SUMF1: variants seen among roughly 807,000 people sequenced by gnomAD.
SUMF1 encodes the protein formylglycine-generating enzyme.
A neutral mutation model predicts 47.6 loss-of-function variants in SUMF1; 48 were observed. The observed-to-expected ratio is 1.01, with a 90% CI of 0.80 to 1.28. SUMF1 has a LOEUF of 1.28. SUMF1 is among the 50% of genes most tolerant of loss of function. SUMF1 has a pLI of 0.00. For missense variants in SUMF1, 571 were observed against 485.4 expected, an observed-to-expected ratio of 1.18 and a Z score of -1.66; for synonymous variants, 230 against 192.1, an observed-to-expected ratio of 1.20 and a Z score of -1.63.
intron 8 of SUMF1, among the ~76,000 whole-genome samples, chr3:4,127,496 G>T (rs932885569): frequency 7.2e-5 from 11 of 152,082 alleles, no homozygotes; most frequent in African/African-American, 2.7e-4. Context: ...AATGTGAAAA[G>T]AGAGACTAGC....
At chr3:4,383,853 A>T (rs1246152003) in intron 7 of SUMF1, among the ~76,000 whole-genome samples, 1 of 152,178 alleles carries the variant, frequency 6.6e-6, no homozygotes, top group African/African-American at 2.4e-5. Flanking sequence ...CATCCATGAC[A>T]CTGTAGTGGC....
chr3:4,376,321 A>G lies in SUMF1; in HGVS notation c.1014+9T>C, dbSNP rs2124844869. 6.2e-7 allele frequency: 1 copy of G among 1,614,144 alleles called. No homozygotes were observed. On this transcript the variant is annotated intron_variant, in intron 8 of 8. Transcript: ENST00000272902. Reference sequence around the variant, plus strand: ...AAGAACGGCAAAACAGTTTAGTGACATGACTTACCCTATGGCACATGTAGG... The same window carrying G: ...AAGAACGGCAAAACAGTTTAGTGACGTGACTTACCCTATGGCACATGTAGG...
At chr3:4,035,898 G>T (rs1365797755) in intron 9 of SUMF1, among the ~76,000 whole-genome samples, 1 of 152,082 alleles carries the variant, frequency 6.6e-6, no homozygotes, top group Non-Finnish European at 1.5e-5. Flanking sequence ...AGACACTGCA[G>T]TTTAGGGGGT....
intron 8 of SUMF1, among the ~76,000 whole-genome samples, chr3:4,233,793 T>G (rs1696351575): frequency 6.6e-6 from 1 of 152,030 alleles, no homozygotes; most frequent in African/African-American, 2.4e-5. Context: ...CTAAATAAGC[T>G]TCAGAAAAAA....
At chr3:4,424,392 A>T (rs1422239334) in intron 3 of SUMF1, among the ~76,000 whole-genome samples, 3 of 152,176 alleles carry the variant, frequency 2.0e-5, no homozygotes, top group African/African-American at 4.8e-5. Context: ...CTATATGATG[A>T]TCACCAATCT....
chr3:4,180,391 G>A (rs1309255583), intron 8 of SUMF1, among the ~76,000 whole-genome samples: 1 of 152,110 alleles, frequency 6.6e-6, no homozygotes, highest in Non-Finnish European at 1.5e-5. Flanking sequence ...CATGTCCTTT[G>A]CAGGAACATG....
chr3:4,246,264 C>T (rs1261872010), intron 8 of SUMF1, among the ~76,000 whole-genome samples: 1 of 152,108 alleles, frequency 6.6e-6, no homozygotes, highest in South Asian at 2.1e-4. Context: ...CCGTGGGCTG[C>T]ACCCACTGTC....
At chr3:4,087,667 C>G (rs1692700335) in intron 8 of SUMF1, among the ~76,000 whole-genome samples, 1 of 151,920 alleles carries the variant, frequency 6.6e-6, no homozygotes, top group Non-Finnish European at 1.5e-5. Flanking sequence ...CCCACCACAG[C>G]CCCCAATAGC....
intron 8 of SUMF1, among the ~76,000 whole-genome samples, chr3:4,232,162 T>C (rs1366967937): frequency 6.6e-6 from 1 of 152,004 alleles, no homozygotes; most frequent in African/African-American, 2.4e-5. Flanking sequence ...ACTAATTTTA[T>C]CAAAAGCAAC....
intron 8 of SUMF1, among the ~76,000 whole-genome samples, chr3:4,201,242 T>A (rs1463380774): frequency 6.6e-6 from 1 of 152,030 alleles, no homozygotes; most frequent in Non-Finnish European, 1.5e-5. Context: ...TTATTCTATA[T>A]AACTATATTT....
intron 8 of SUMF1, among the ~76,000 whole-genome samples, chr3:4,176,498 T>C (rs1030696024): frequency 2.6e-5 from 4 of 152,180 alleles, no homozygotes; most frequent in Admixed American, 1.3e-4. Context: ...TGAGAGATTT[T>C]GTCACCACCA....
chr3:4,419,827 A>T (rs1701831572), intron 4 of SUMF1, among the ~76,000 whole-genome samples: 1 of 152,248 alleles, frequency 6.6e-6, no homozygotes. Flanking sequence ...CAACTCTTTG[A>T]CAAGCCAAAT....
chr3:4,092,043 C>A (rs763026520), intron 8 of SUMF1, among the ~76,000 whole-genome samples: 4 of 152,046 alleles, frequency 2.6e-5, no homozygotes, highest in Non-Finnish European at 5.9e-5. Context: ...ACTGGAAATG[C>A]CTTGCTGGGT....
intron 8 of SUMF1, among the ~76,000 whole-genome samples, chr3:4,144,892 G>C (rs934891596): frequency 6.6e-6 from 1 of 152,076 alleles, no homozygotes; most frequent in Non-Finnish European, 1.5e-5. Flanking sequence ...TATTCTTACG[G>C]TATAAGGGAT....
At chr3:4,400,744 C>G (rs1701182857) in intron 7 of SUMF1, among the ~76,000 whole-genome samples, 1 of 152,128 alleles carries the variant, frequency 6.6e-6, no homozygotes, top group Non-Finnish European at 1.5e-5. Context: ...GACAAGGAAA[C>G]AGAAGCAAAG....
chr3:4,170,104 G>A (rs995010303), intron 8 of SUMF1, among the ~76,000 whole-genome samples: 1 of 152,118 alleles, frequency 6.6e-6, no homozygotes, highest in African/African-American at 2.4e-5. Flanking sequence ...AAAGTTCAAT[G>A]GAACACAATA....
At chr3:4,081,825 T>A (rs1165322121) in intron 8 of SUMF1, among the ~76,000 whole-genome samples, 1 of 152,152 alleles carries the variant, frequency 6.6e-6, no homozygotes, top group Non-Finnish European at 1.5e-5. Flanking sequence ...GTGTTTAACA[T>A]CTACAATCAG....
chr3:4,211,812 C>A (rs1238020335), intron 8 of SUMF1, among the ~76,000 whole-genome samples: 1 of 152,150 alleles, frequency 6.6e-6, no homozygotes, highest in Non-Finnish European at 1.5e-5. Flanking sequence ...GTAAACAAAG[C>A]AGCCAGGAAG....
At chr3:4,215,667 C>T (rs994609182) in intron 8 of SUMF1, among the ~76,000 whole-genome samples, 53 of 152,162 alleles carry the variant, frequency 3.5e-4, no homozygotes, top group Non-Finnish European at 8.8e-5. Context: ...CCCAAAATCT[C>T]CTTAAGCTGA....
Sources: gnomAD v4.1 joint callset for allele counts (sites outside exome capture counted in the v4.1 genomes callset) on GRCh38, gnomAD v4.1.1 for gene constraint, MANE v1.5 for transcripts, NCBI Gene and HGNC (gene_info 2026-07-23, HGNC 2026-07-21) for gene names.